Variants in GALM observed in about 807,000 individuals in gnomAD.
The protein encoded by GALM is aldose 1-epimerase.
In GALM, 43 loss-of-function variants were observed where a neutral mutation model predicts 37.4. That is an observed-to-expected ratio of 1.15 (90% CI 0.90 to 1.48). The LOEUF (loss-of-function observed/expected upper bound fraction) is 1.48, where lower values mean the gene tolerates loss of function less well. Among genes scored for constraint, GALM ranks in the 40% most tolerant of loss-of-function variants. The pLI, the probability that GALM is intolerant of heterozygous loss-of-function variation, is 0.00. For synonymous variants in GALM, 199 were observed against 170.6 expected (o/e 1.17, Z -1.30); for missense variants, 456 against 419.1 (o/e 1.09, Z -0.77).
At chr2:38,726,365 T>G (rs1666486395) in intron 4 of GALM, among the ~76,000 whole-genome samples, 2 of 150,384 alleles carry the variant, frequency 1.3e-5, no homozygotes, top group African/African-American at 2.4e-5. Context: ...TAGCTGGGAC[T>G]ACAGGCGCCC....
intron 5 of GALM, 96 bp downstream of exon 5, chr2:38,729,793 T>TG: frequency 2.0e-6 from 2 of 1,012,998 alleles, no homozygotes; most frequent in Non-Finnish European, 3.0e-6. Flanking sequence ...CAATAGCATT[T>TG]ACTATGCTAC....
intron 4 of GALM, chr2:38,698,511 C>G: frequency 1.7e-6 from 1 of 581,760 alleles, no homozygotes; most frequent in African/African-American, 2.1e-5. Context: ...TTCTTAGCTA[C>G]TTAAAAAAAA....
intron 3 of GALM, among the ~76,000 whole-genome samples, chr2:38,686,643 T>C (rs754404968): frequency 7.2e-5 from 11 of 152,120 alleles, no homozygotes; most frequent in Non-Finnish European, 1.2e-4. Flanking sequence ...AACAGGAGAA[T>C]GGATAAACAA....
chr2:38,696,104 T>TA (rs563792773), intron 4 of GALM, among the ~76,000 whole-genome samples: 382 of 151,828 alleles, frequency 2.5e-3, no homozygotes, highest in South Asian at 5.0e-3. Context: ...ACTATAACAG[T>TA]AAAAAAAGTG....
At chr2:38,686,874 C>G (rs1665551507) in intron 3 of GALM, among the ~76,000 whole-genome samples, 1 of 152,170 alleles carries the variant, frequency 6.6e-6, no homozygotes, top group Non-Finnish European at 1.5e-5. Context: ...TGCAGGTGTC[C>G]TCATTGGATG....
At chr2:38,680,287 G>T in intron 2 of GALM, 1 of 226,494 alleles carries the variant, frequency 4.4e-6, no homozygotes, top group Non-Finnish European at 9.0e-6. Flanking sequence ...CTCCCAAAGT[G>T]TTGGGATTAC....
In GALM at chr2:38,729,571, T is replaced by G; in HGVS notation, c.650T>G (p.Val217Gly). Residue 217 changes from valine (V) to glycine (G), a missense_variant, in exon 5 of 7, where the codon GTG (valine) becomes GGG (glycine). By Grantham distance (109) the Val-to-Gly change is moderately radical. Transcript: ENST00000272252. ...TTCCCATCAGGAGAAGTTGCCCCAG[T>G]GCAAGGCACTGCATTCGACCTGAGA... is the stretch of plus-strand genomic sequence containing the variant. ...TLIPTGEVAP[V>G]QGTAFDLRKP... 6.2e-7 allele frequency: 1 copy of G among 1,613,540 alleles called. No homozygotes were observed. Among genetic ancestry groups the G allele is most frequent in the Non-Finnish European group, 8.5e-7 (1 of 1,179,660 alleles).
At chr2:38,711,144 C>A (rs555833021) in intron 4 of GALM, among the ~76,000 whole-genome samples, 2 of 150,262 alleles carry the variant, frequency 1.3e-5, no homozygotes, top group Non-Finnish European at 3.0e-5. Flanking sequence ...GGACTGTCAC[C>A]ACCTCATTAC....
At chr2:38,708,976 C>A (rs72795183) in intron 4 of GALM, among the ~76,000 whole-genome samples, 1 of 152,046 alleles carries the variant, frequency 6.6e-6, no homozygotes, top group Non-Finnish European at 1.5e-5. Context: ...CCAGCTCTCT[C>A]GGCAGGGCGG....
chr2:38,703,930 G>T (rs900218236), intron 4 of GALM, among the ~76,000 whole-genome samples: 9 of 151,958 alleles, frequency 5.9e-5, no homozygotes, highest in Non-Finnish European at 1.0e-4. Flanking sequence ...CACAAGAATT[G>T]CTTTGAACCC....
intron 4 of GALM, among the ~76,000 whole-genome samples, chr2:38,727,643 C>T (rs1572545455): frequency 6.6e-6 from 1 of 150,840 alleles, no homozygotes; most frequent in South Asian, 2.1e-4. Context: ...AGGAGAATCA[C>T]TTGAACCAGG....
intron 4 of GALM, among the ~76,000 whole-genome samples, chr2:38,702,950 A>AT (rs1665948436): frequency 7.4e-6 from 1 of 135,744 alleles, no homozygotes; most frequent in African/African-American, 2.7e-5. Context: ...ATATATATAT[A>AT]ATATGTGTAA....
intron 4 of GALM, among the ~76,000 whole-genome samples, chr2:38,712,777 C>A (rs182434377): frequency 3.3e-5 from 5 of 152,110 alleles, no homozygotes; most frequent in African/African-American, 1.2e-4. Flanking sequence ...CTCATCAGAG[C>A]GGAGGCTGGG....
chr2:38,731,957 CACTGTACGACAGAGTTCACT>C, intron 6 of GALM, 48 bp downstream of exon 6: 3 of 1,440,886 alleles, frequency 2.1e-6, no homozygotes, highest in Non-Finnish European at 2.9e-6. Flanking sequence ...TCCAAGGTCA[CACTGTACGACAGAGTTCACT>C]ACACTCGAAT....
At chr2:38,686,258 T>TTCTCTCTTTCTCTCTTTCTCTCTTTCTC (rs1553381044) in intron 3 of GALM, among the ~76,000 whole-genome samples, 3 of 100,054 alleles carry the variant, frequency 3.0e-5, no homozygotes, top group Non-Finnish European at 6.1e-5. Flanking sequence ...CTTTCTTTCT[T>TTCTCTCTTTCTCTCTTTCTCTCTTTCTC]TCTTTCTTTC....
chr2:38,683,063 T>C (rs1442340432), intron 3 of GALM, among the ~76,000 whole-genome samples: 1 of 152,200 alleles, frequency 6.6e-6, no homozygotes, highest in Non-Finnish European at 1.5e-5. Flanking sequence ...TTCTGTTTTT[T>C]ACATTTTTTG....
At chr2:38,674,467 C>T (rs1046425642) in intron 1 of GALM, among the ~76,000 whole-genome samples, 6 of 152,068 alleles carry the variant, frequency 3.9e-5, no homozygotes, top group African/African-American at 1.4e-4. Flanking sequence ...GGATTACAGG[C>T]GTGAGCCACC....
At chr2:38,714,271 G>A (rs1666226036) in intron 4 of GALM, among the ~76,000 whole-genome samples, 1 of 152,052 alleles carries the variant, frequency 6.6e-6, no homozygotes, top group Non-Finnish European at 1.5e-5. Flanking sequence ...CGGGAGTGCA[G>A]TGGTGTGATC....
chr2:38,670,707 C>T (rs1665079267), intron 1 of GALM, among the ~76,000 whole-genome samples: 1 of 152,164 alleles, frequency 6.6e-6, no homozygotes, highest in Non-Finnish European at 1.5e-5. Context: ...CCTTTCTTTC[C>T]TTTGCCCCCA....
Sources: allele counts gnomAD v4.1 joint callset (sites outside exome capture counted in the v4.1 genomes callset), GRCh38; gene constraint gnomAD v4.1.1; transcripts MANE v1.5; gene names NCBI Gene and HGNC (gene_info 2026-07-23, HGNC 2026-07-21).